Variants in EBF1 observed in about 807,000 individuals in gnomAD.
EBF1 encodes EBF transcription factor 1, also known as transcription factor COE1.
In EBF1, 10 loss-of-function variants were observed where a neutral mutation model predicts 68.4. That is an observed-to-expected ratio of 0.15 (90% CI 0.09 to 0.25). The LOEUF (loss-of-function observed/expected upper bound fraction) is 0.25, where lower values mean the gene tolerates loss of function less well. Ranked by LOEUF, EBF1 falls within the 10% of genes least tolerant of loss-of-function variation. The probability of loss-of-function intolerance (pLI) is 1.00; values close to 1 mark genes in which losing one functional copy is unlikely to be tolerated. For synonymous variants in EBF1, 298 were observed against 299.8 expected, an observed-to-expected ratio of 0.99 and a Z score of 0.06; for missense variants, 509 against 794.4, an observed-to-expected ratio of 0.64 and a Z score of 4.32.
chr5:158,784,689 T>C (rs1777066375), intron 9 of EBF1, among the ~76,000 whole-genome samples: 1 of 151,810 alleles, frequency 6.6e-6, no homozygotes, highest in African/African-American at 2.4e-5. Flanking sequence ...CTTCAACACT[T>C]AAAAGTAAAG....
intron 6 of EBF1, among the ~76,000 whole-genome samples, chr5:158,844,596 AGTTAGTAATGAATATCAGAGC>A (rs1278394576): frequency 2.0e-5 from 3 of 152,222 alleles, no homozygotes; most frequent in African/African-American, 4.8e-5. Flanking sequence ...ATATTCACAT[AGTTAGTAATGAATATCAGAGC>A]TGGAACTATA....
chr5:158,872,381 G>C (rs1797032952), intron 6 of EBF1, among the ~76,000 whole-genome samples: 1 of 152,018 alleles, frequency 6.6e-6, no homozygotes, highest in Admixed American at 6.6e-5. Flanking sequence ...ATTTTTAGTA[G>C]AGACAGGGTT....
At chr5:158,716,828 C>T (rs953906119) in intron 11 of EBF1, among the ~76,000 whole-genome samples, 1 of 152,134 alleles carries the variant, frequency 6.6e-6, no homozygotes, top group South Asian at 2.1e-4. Flanking sequence ...CCACTGAACA[C>T]ACAGACAGAA....
At chr5:158,986,824 A>G (rs1759189272) in intron 6 of EBF1, 1 of 152,220 alleles carries the variant, frequency 6.6e-6, no homozygotes, top group Non-Finnish European at 1.5e-5. Flanking sequence ...TCAACCAAAT[A>G]TTAGTAATTA....
intron 6 of EBF1, among the ~76,000 whole-genome samples, chr5:159,039,234 C>A (rs776100632): frequency 3.9e-5 from 6 of 152,192 alleles, no homozygotes; most frequent in Non-Finnish European, 8.8e-5. Flanking sequence ...AAAAGAAAAT[C>A]TTTTACACTT....
At chr5:158,827,564 T>C (rs958503964) in intron 7 of EBF1, among the ~76,000 whole-genome samples, 11 of 152,206 alleles carry the variant, frequency 7.2e-5, no homozygotes, top group Admixed American at 7.2e-4. Context: ...AGGAGTTTTG[T>C]TATTGGTGAG....
chr5:158,768,178 C>A (rs947856821), intron 10 of EBF1, among the ~76,000 whole-genome samples: 2 of 152,010 alleles, frequency 1.3e-5, no homozygotes, highest in African/African-American at 4.8e-5. Flanking sequence ...AGGTGTAGGA[C>A]TTATTGACCC....
intron 6 of EBF1, among the ~76,000 whole-genome samples, chr5:158,937,907 T>A (rs1248843133): frequency 6.6e-6 from 1 of 152,166 alleles, no homozygotes; most frequent in South Asian, 2.1e-4. Flanking sequence ...GCTTTCTCAA[T>A]AAACCACTCA....
intron 6 of EBF1, among the ~76,000 whole-genome samples, chr5:159,070,909 T>C (rs1777677862): frequency 6.6e-6 from 1 of 152,216 alleles, no homozygotes; most frequent in African/African-American, 2.4e-5. Flanking sequence ...ATGCAATCAG[T>C]AATATAGAAT....
intron 6 of EBF1, among the ~76,000 whole-genome samples, chr5:159,061,245 G>A (rs1171304792): frequency 1.3e-5 from 2 of 152,090 alleles, no homozygotes; most frequent in African/African-American, 4.8e-5. Flanking sequence ...AAGGCTTTGT[G>A]TACAAAGTGG....
intron 1 of EBF1, among the ~76,000 whole-genome samples, chr5:159,098,206 G>GT (rs1407908561): frequency 6.6e-6 from 1 of 152,224 alleles, no homozygotes; most frequent in African/African-American, 2.4e-5. Flanking sequence ...CTTAATGGGG[G>GT]GAAAAAGGCC....
chr5:159,065,552 C>T (rs975050834), intron 6 of EBF1, among the ~76,000 whole-genome samples: 1 of 152,136 alleles, frequency 6.6e-6, no homozygotes, highest in African/African-American at 2.4e-5. Context: ...TACAGAAGGG[C>T]TCTTCCTACC....
intron 8 of EBF1, among the ~76,000 whole-genome samples, chr5:158,811,007 G>C (rs1008688992): frequency 6.6e-6 from 1 of 151,148 alleles, no homozygotes; most frequent in African/African-American, 2.4e-5. Flanking sequence ...TGTCCCTCCA[G>C]GTAAATCTCT....
At chr5:158,928,095 T>C (rs1810060637) in intron 6 of EBF1, among the ~76,000 whole-genome samples, 2 of 152,168 alleles carry the variant, frequency 1.3e-5, no homozygotes, top group South Asian at 4.1e-4. Flanking sequence ...AGAGAAACCA[T>C]ATGATGGTTA....
At chr5:158,906,788 G>A (rs1433696612) in intron 6 of EBF1, among the ~76,000 whole-genome samples, 1 of 152,196 alleles carries the variant, frequency 6.6e-6, no homozygotes, top group Non-Finnish European at 1.5e-5. Context: ...GCTCTTGATT[G>A]AATTCTATCT....
chr5:158,869,552 T>TGGCCCAGA (rs1796509509), intron 6 of EBF1, among the ~76,000 whole-genome samples: 1 of 151,242 alleles, frequency 6.6e-6, no homozygotes, highest in African/African-American at 2.4e-5. Flanking sequence ...TCTCTTTTTT[T>TGGCCCAGA]TCCCTAATTG....
At chr5:158,889,653 A>G (rs1189882937) in intron 6 of EBF1, among the ~76,000 whole-genome samples, 1 of 152,128 alleles carries the variant, frequency 6.6e-6, no homozygotes, top group African/African-American at 2.4e-5. Flanking sequence ...AAGCTTCACA[A>G]ATTATTTGCT....
chr5:158,767,783 G>C (rs1479240821), intron 10 of EBF1, among the ~76,000 whole-genome samples: 1 of 152,154 alleles, frequency 6.6e-6, no homozygotes, highest in East Asian at 1.9e-4. Context: ...AACCAGAAGA[G>C]CAGGGAGAGA....
intron 10 of EBF1, among the ~76,000 whole-genome samples, chr5:158,757,489 T>C (rs2127605371): frequency 6.6e-6 from 1 of 152,320 alleles, no homozygotes; most frequent in East Asian, 1.9e-4. Context: ...ATGTACGTGG[T>C]ATCTCCGGTA....
Sources: allele counts gnomAD v4.1 joint callset (sites outside exome capture counted in the v4.1 genomes callset), GRCh38; gene constraint gnomAD v4.1.1; transcripts MANE v1.5; gene names NCBI Gene and HGNC (gene_info 2026-07-23, HGNC 2026-07-21).